CES5A: variants seen among roughly 807,000 people sequenced by gnomAD.
The protein encoded by CES5A is carboxylesterase 5A, also known as carboxylesterase 5.
In CES5A, 67 loss-of-function variants were observed where a neutral mutation model predicts 62.9. The ratio of observed to expected loss-of-function variants is 1.07; its 90% CI spans 0.88 to 1.31. The LOEUF (loss-of-function observed/expected upper bound fraction) is 1.31. Among genes scored for constraint, CES5A ranks in the 50% most tolerant of loss-of-function variants. The pLI is 0.00. For missense variants in CES5A, 748 were observed against 708.5 expected (o/e 1.06, Z -0.63); for synonymous variants, 296 against 280.8 (o/e 1.05, Z -0.54).
At position 55,846,551 on chromosome 16, in the gene CES5A, A is replaced by C. The variant is rs767548249; in HGVS notation, c.1628T>G (p.Ile543Ser). The C allele has an allele frequency of 6.2e-7, 1 of 1,614,060 alleles. No homozygotes were observed. The highest frequency in any genetic ancestry group is 8.5e-7 in the Non-Finnish European group (1 of 1,179,986). ...GTCGGAGGCAGACAGGATCAGGGGG[A>C]TGGTGCTGGTCCAAAAATCCACCCG... is the stretch of plus-strand genomic sequence containing the variant. ...EPRVDFWTST[I>S]PLILSASDML... The change falls in exon 13 of 13, where the codon ATC (isoleucine) becomes AGC (serine). Residue 543 changes from isoleucine to serine, a missense_variant. Coordinates refer to ENST00000290567, the MANE Select transcript of CES5A (RefSeq NM_001143685.2).
chr16:55,904,526 G>C (rs1450922098), intron 1 of CES5A, among the ~76,000 whole-genome samples: 1 of 152,152 alleles, frequency 6.6e-6, no homozygotes, highest in Non-Finnish European at 1.5e-5. Flanking sequence ...GGACCCCTCA[G>C]GGTCAAATCT....
intron 1 of CES5A, among the ~76,000 whole-genome samples, chr16:55,951,705 G>A (rs2034559298): frequency 6.6e-6 from 1 of 152,076 alleles, no homozygotes; most frequent in Non-Finnish European, 1.5e-5. Flanking sequence ...GTAGGGGGAT[G>A]GAGTATCCAT....
intron 1 of CES5A, among the ~76,000 whole-genome samples, chr16:55,897,798 C>T (rs1191148230): frequency 4.6e-5 from 7 of 152,166 alleles, no homozygotes; most frequent in Middle Eastern, 3.4e-3. Context: ...AAACTGGAGC[C>T]AACTCAAATA....
intron 9 of CES5A, 126 bp from the exon 10 acceptor site, chr16:55,853,154 C>A: frequency 1.1e-6 from 1 of 892,386 alleles, no homozygotes; most frequent in Non-Finnish European, 1.7e-6. Context: ...CACACAGCAA[C>A]CCTATGATGC....
At chr16:55,919,372 T>C (rs1392974389) in intron 1 of CES5A, among the ~76,000 whole-genome samples, 5 of 152,214 alleles carry the variant, frequency 3.3e-5, no homozygotes, top group Non-Finnish European at 7.3e-5. Flanking sequence ...TGTGATTAGT[T>C]TCATGTCCAT....
At chr16:55,955,260 G>GTA (rs2034596945) in intron 1 of CES5A, among the ~76,000 whole-genome samples, 1 of 152,012 alleles carries the variant, frequency 6.6e-6, no homozygotes, top group South Asian at 2.1e-4. Flanking sequence ...AGGAAGCCAA[G>GTA]TAGGGCTGTT....
chr16:55,888,019 T>C (rs3905704), intron 1 of CES5A, among the ~76,000 whole-genome samples: 48,336 of 152,058 alleles, frequency 0.32, 8,460 homozygotes, highest in East Asian at 0.52. Context: ...TACCTGGACA[T>C]AGGAATATTG....
chr16:55,949,906 G>T, intron 1 of CES5A: 1 of 1,275,144 alleles, frequency 7.8e-7, no homozygotes, highest in Non-Finnish European at 1.1e-6. Flanking sequence ...TAAACTCCTG[G>T]AAAAAAAGAA....
chr16:55,950,320 G>A (rs542870690), intron 1 of CES5A, among the ~76,000 whole-genome samples: 160 of 152,210 alleles, frequency 1.1e-3, no homozygotes, highest in African/African-American at 3.4e-3. Context: ...TTAACAAACT[G>A]AAGAACTACA....
upstream of CES5A, among the ~76,000 whole-genome samples, chr16:55,926,894 C>T (rs372571155): frequency 5.3e-5 from 8 of 152,306 alleles, no homozygotes; most frequent in East Asian, 9.6e-4. Flanking sequence ...TCTTAGTAGC[C>T]ATCGCTTTGA....
upstream of CES5A, among the ~76,000 whole-genome samples, chr16:55,877,801 G>T (rs1186740846): frequency 2.0e-5 from 3 of 152,124 alleles, no homozygotes; most frequent in Non-Finnish European, 4.4e-5. Flanking sequence ...ATTTTGCAAG[G>T]TAGGATTACT....
At chr16:55,932,631 T>C (rs2034327140) in intron 2 of CES5A, among the ~76,000 whole-genome samples, 1 of 151,950 alleles carries the variant, frequency 6.6e-6, no homozygotes, top group Non-Finnish European at 1.5e-5. Context: ...AGATCTAACC[T>C]GAGACCTGAA....
At chr16:55,934,675 TGTGC>T (rs771569317) in intron 2 of CES5A, among the ~76,000 whole-genome samples, 1,626 of 139,642 alleles carry the variant, frequency 0.012, 35 homozygotes, top group African/African-American at 0.039. Context: ...TGTGTGTGTG[TGTGC>T]GCGTGTGCAT....
At chr16:55,928,131 T>A (rs2034276908), upstream of CES5A, among the ~76,000 whole-genome samples, 1 of 151,970 alleles carries the variant, frequency 6.6e-6, no homozygotes, top group African/African-American at 2.4e-5. Flanking sequence ...TAGTCCCAGC[T>A]ACTCGGGAGG....
intron 1 of CES5A, among the ~76,000 whole-genome samples, chr16:55,891,138 G>A (rs767193848): frequency 2.6e-5 from 4 of 151,852 alleles, no homozygotes; most frequent in Middle Eastern, 3.4e-3. Context: ...CACTCACCTC[G>A]TCACTCTCTT....
intron 1 of CES5A, among the ~76,000 whole-genome samples, chr16:55,885,885 A>C (rs1361378140): frequency 2.0e-5 from 3 of 152,216 alleles, no homozygotes; most frequent in African/African-American, 7.2e-5. Flanking sequence ...CAGATCCAGC[A>C]ACAAGATGAG....
rs938264879 is a variant in CES5A at position 55,871,693 on chromosome 16, C to T, written c.349G>A (p.Val117Met). The T allele has an allele frequency of 6.2e-7, 1 of 1,614,144 alleles. No individual in the cohort carries two copies. The highest frequency in any genetic ancestry group is 1.3e-5 in the African/African-American group (1 of 75,036). ...MLKVHYPKFG[V>M]SEDCLYLNIY... ...TTCAGGTAGAGGCAGTCTTCTGACA[C>T]TCCGAATTTCGGGTAATGCACCTTG... is the stretch of plus-strand genomic sequence containing the variant. The change falls in exon 3 of 13, where the codon GTG becomes ATG. Residue 117 changes from valine to methionine, a missense_variant. Coordinates refer to ENST00000290567, the MANE Select transcript of CES5A (RefSeq NM_001143685.2).
Position 55,866,658 on chromosome 16 carries a change from T to TAAAAAAAAAAAAA in CES5A, c.552-555_552-543dup, listed in dbSNP as rs369679801. ...TAATATAGTGAAACTCTGTCTCTGC[T>TAAAAAAAAAAAAA]AAAAAAAAAAAAAAAAAAAATACAA... On this transcript the variant is annotated intron_variant, in intron 4 of 12. Coordinates refer to ENST00000290567, the MANE Select transcript of CES5A (RefSeq NM_001143685.2). Among the ~76,000 whole-genome samples the TAAAAAAAAAAAAA allele has an allele frequency of 1.9e-3, 156 of 82,788 alleles. 1 individual carries two copies. Among genetic ancestry groups the TAAAAAAAAAAAAA allele is most frequent in the Non-Finnish European group, 2.9e-3 (115 of 39,730 alleles). The allele number at this position is 82,788 out of a possible 152,430, so 54.3% of individuals were successfully genotyped here. A position where few individuals can be genotyped will look rare whatever the true frequency, so the allele number is the denominator to read the frequency against.
chr16:55,871,481 G>T, intron 3 of CES5A, 144 bp downstream of exon 3: 5 of 871,976 alleles, frequency 5.7e-6, no homozygotes, highest in Non-Finnish European at 8.4e-6. Flanking sequence ...TCATTCAAAT[G>T]ATTTTTAAAA....
Sources: gnomAD v4.1 joint callset for allele counts (sites outside exome capture counted in the v4.1 genomes callset) on GRCh38, gnomAD v4.1.1 for gene constraint, MANE v1.5 for transcripts, NCBI Gene and HGNC (gene_info 2026-07-23, HGNC 2026-07-21) for gene names.